SGCD: variants seen among roughly 807,000 people sequenced by gnomAD.
The protein encoded by SGCD is delta-sarcoglycan.
In SGCD, 18 loss-of-function variants were observed where a neutral mutation model predicts 36.6. The observed-to-expected ratio is 0.49, with a 90% CI of 0.34 to 0.73. The LOEUF is 0.73. Ranked by LOEUF, SGCD falls within the 30% of genes least tolerant of loss-of-function variation. The pLI is 0.01. For missense variants in SGCD, 387 were observed against 346.7 expected (o/e 1.12, Z -0.92); for synonymous variants, 133 against 130.6 (o/e 1.02, Z -0.12).
At chr5:156,759,103 A>G (rs569980759) in intron 8 of SGCD, 114 bp from the exon 9 acceptor site, 1 of 777,538 alleles carries the variant, frequency 1.3e-6, no homozygotes, top group East Asian at 2.6e-5. Context: ...ATCAACACAT[A>G]GTAGGTGCTC....
rs1760083598 is a variant in SGCD at position 156,057,075 on chromosome 5, T to C, written c.-281-60803T>C. Among the ~76,000 whole-genome samples, 2 of 146,558 alleles carry C rather than the reference T, an allele frequency of 1.4e-5. 1 individual carries two copies. Among genetic ancestry groups the C allele is most frequent in the South Asian group, 4.3e-4 (2 of 4,666 alleles). On this transcript the variant is annotated intron_variant, in intron 1 of 9. Coordinates refer to the SGCD transcript ENST00000517913. ...AGAAAACAGCTTGGATGTTCAGTAA[T>C]AAAGAATAAATAGACTATCTCTTAG...
chr5:156,347,048 C>T (rs1322415611), intron 3 of SGCD, among the ~76,000 whole-genome samples: 6 of 152,086 alleles, frequency 3.9e-5, no homozygotes, highest in African/African-American at 1.2e-4. Context: ...CCACCCATCT[C>T]GGCCTCCCAA....
intron 1 of SGCD, among the ~76,000 whole-genome samples, chr5:155,965,783 C>T (rs567423562): frequency 2.0e-5 from 3 of 152,188 alleles, no homozygotes; most frequent in African/African-American, 7.2e-5. Flanking sequence ...ATACGAAGGG[C>T]TCTAAAAGCT....
At chr5:156,018,428 T>C (rs1166213785) in intron 1 of SGCD, among the ~76,000 whole-genome samples, 1 of 152,222 alleles carries the variant, frequency 6.6e-6, no homozygotes, top group Non-Finnish European at 1.5e-5. Flanking sequence ...TAGATATGAT[T>C]AACAAACATA....
intron 1 of SGCD, among the ~76,000 whole-genome samples, chr5:155,985,615 G>A (rs729518): frequency 0.29 from 43,761 of 151,962 alleles, 6,360 homozygotes; most frequent in South Asian, 0.37. Flanking sequence ...TATGACTTAC[G>A]TTAAGGAAGA....
intron 3 of SGCD, among the ~76,000 whole-genome samples, chr5:156,413,963 G>C (rs1175943522): frequency 6.6e-6 from 1 of 152,114 alleles, no homozygotes; most frequent in Admixed American, 6.5e-5. Context: ...CCTTGAAATG[G>C]TGGTACAGAA....
chr5:156,498,276 A>C (rs943838329), intron 3 of SGCD, among the ~76,000 whole-genome samples: 2 of 152,002 alleles, frequency 1.3e-5, no homozygotes, highest in Non-Finnish European at 2.9e-5. Flanking sequence ...AAAAAAAAAA[A>C]AACACCTCGT....
intron 1 of SGCD, among the ~76,000 whole-genome samples, chr5:156,044,992 A>G (rs193032204): frequency 6.6e-6 from 1 of 152,174 alleles, no homozygotes; most frequent in Non-Finnish European, 1.5e-5. Context: ...TGAGAAGTCC[A>G]AGGGCATGGT....
chr5:156,208,816 T>A (rs1764359278), intron 3 of SGCD, among the ~76,000 whole-genome samples: 1 of 152,186 alleles, frequency 6.6e-6, no homozygotes, highest in Non-Finnish European at 1.5e-5. Context: ...CCAGCATTTG[T>A]CACTCTGCAG....
intron 1 of SGCD, among the ~76,000 whole-genome samples, chr5:155,993,325 A>G (rs1489455622): frequency 6.7e-6 from 1 of 148,208 alleles, no homozygotes; most frequent in African/African-American, 2.5e-5. Flanking sequence ...TTATTAATAC[A>G]AATCTGGGGT....
upstream of SGCD, among the ~76,000 whole-genome samples, chr5:155,869,416 C>T (rs1406321035): frequency 6.6e-6 from 1 of 151,842 alleles, no homozygotes; most frequent in East Asian, 1.9e-4. Context: ...GATTTTTTTT[C>T]TTTGCAACTT....
intron 3 of SGCD, among the ~76,000 whole-genome samples, chr5:156,298,774 G>A (rs1298772711): frequency 6.6e-6 from 1 of 151,588 alleles, no homozygotes; most frequent in South Asian, 2.1e-4. Context: ...CAGATATTTT[G>A]CTCATTTTTA....
chr5:156,724,130 C>T (rs752028783), intron 7 of SGCD, among the ~76,000 whole-genome samples: 9 of 152,176 alleles, frequency 5.9e-5, no homozygotes, highest in East Asian at 1.9e-4. Context: ...AGGGAGAGCA[C>T]GAAGACTGTA....
intron 6 of SGCD, among the ~76,000 whole-genome samples, chr5:156,602,173 A>G (rs1761223283): frequency 6.6e-6 from 1 of 152,084 alleles, no homozygotes; most frequent in Non-Finnish European, 1.5e-5. Flanking sequence ...CTCCTTGCTT[A>G]AGTTTATTCA....
chr5:156,469,764 G>A (rs1050125326), intron 3 of SGCD, among the ~76,000 whole-genome samples: 23 of 152,172 alleles, frequency 1.5e-4, no homozygotes, highest in African/African-American at 4.6e-4. Flanking sequence ...ATGACAGCTC[G>A]CCATCGATTT....
intron 1 of SGCD, among the ~76,000 whole-genome samples, chr5:156,116,706 G>A (rs1056007795): frequency 6.6e-6 from 1 of 152,120 alleles, no homozygotes; most frequent in African/African-American, 2.4e-5. Flanking sequence ...TGTTACACAA[G>A]TTACTTTAAC....
chr5:156,422,761 A>G (rs2127779161), intron 3 of SGCD, among the ~76,000 whole-genome samples: 1 of 152,174 alleles, frequency 6.6e-6, no homozygotes, highest in East Asian at 1.9e-4. Flanking sequence ...GCTAGTTGCC[A>G]GTAGCAAACC....
At chr5:156,460,314 T>C (rs1044953932) in intron 3 of SGCD, among the ~76,000 whole-genome samples, 4 of 152,166 alleles carry the variant, frequency 2.6e-5, no homozygotes, top group Non-Finnish European at 5.9e-5. Context: ...AAATAAAATA[T>C]AGCCCTGCCT....
intron 3 of SGCD, among the ~76,000 whole-genome samples, chr5:156,409,500 G>A (rs957538668): frequency 1.1e-4 from 17 of 152,202 alleles, no homozygotes; most frequent in African/African-American, 4.1e-4. Context: ...CCAATCCCCG[G>A]GCCCGGCTGG....
Sources: allele counts gnomAD v4.1 joint callset (sites outside exome capture counted in the v4.1 genomes callset), GRCh38; gene constraint gnomAD v4.1.1; transcripts MANE v1.5; gene names NCBI Gene and HGNC (gene_info 2026-07-23, HGNC 2026-07-21).